Variants in GUCY2C observed in about 807,000 individuals in gnomAD.
The protein encoded by GUCY2C is guanylate cyclase 2C, also known as guanylyl cyclase C.
A neutral mutation model predicts 131.1 loss-of-function variants in GUCY2C; 118 were observed. The ratio of observed to expected loss-of-function variants is 0.90; its 90% CI spans 0.78 to 1.05. The LOEUF (loss-of-function observed/expected upper bound fraction) is 1.05, where lower values mean the gene tolerates loss of function less well. Among genes scored for constraint, GUCY2C ranks in the 50% least tolerant of loss-of-function variants. The probability of loss-of-function intolerance (pLI) is 0.00; values close to 1 mark genes in which losing one functional copy is unlikely to be tolerated. For synonymous variants in GUCY2C, 452 were observed against 457.8 expected (o/e 0.99, Z 0.16); for missense variants, 1,161 against 1,304.4 (o/e 0.89, Z 1.69).
Position 14,686,180 on chromosome 12 carries a change from A to G in GUCY2C, c.376T>C (p.Tyr126His), listed in dbSNP as rs755939295. 1.2e-6 allele frequency: 2 copies of G among 1,602,348 alleles called. No homozygotes were observed. Among genetic ancestry groups the G allele is most frequent in the African/African-American group, 1.3e-5 (1 of 74,668 alleles). ...GCVLIGPSCT[Y>H]STFQMYLDTE... ...ACTTACTACATCTGGAAGGTGGAGTATGTACATGAGGGCCCTATGAGGACA... is the reference window on the plus strand; with the variant it reads ...ACTTACTACATCTGGAAGGTGGAGTGTGTACATGAGGGCCCTATGAGGACA... Residue 126 changes from tyrosine to histidine, a missense_variant, in exon 3 of 27, where the codon TAC becomes CAC. Coordinates refer to ENST00000261170, the MANE Select transcript of GUCY2C (RefSeq NM_004963.4).
chr12:14,665,965 C>T (rs1000335367), intron 10 of GUCY2C: 1 of 151,974 alleles, frequency 6.6e-6, no homozygotes, highest in African/African-American at 2.4e-5. Flanking sequence ...GGTCAAGTAG[C>T]GGAAAGTTTA....
intron 21 of GUCY2C, among the ~76,000 whole-genome samples, chr12:14,625,177 T>C (rs558555572): frequency 6.6e-6 from 1 of 152,198 alleles, no homozygotes; most frequent in South Asian, 2.1e-4. Flanking sequence ...TTTCAGAGGT[T>C]TGAGATTTTG....
chr12:14,679,763 A>G lies in GUCY2C; in HGVS notation c.734-10T>C. On this transcript the variant is annotated splice_polypyrimidine_tract_variant and intron_variant, in intron 5 of 26. Coordinates refer to ENST00000261170, the MANE Select transcript of GUCY2C (RefSeq NM_004963.4). ...CCACACATAATAATCACTGGAGGAG[A>G]AGGTAAGACAAGGAGAGAAATATAT... is the stretch of plus-strand genomic sequence containing the variant. 1 of 1,354,362 alleles carries G rather than the reference A, an allele frequency of 7.4e-7. No homozygotes were observed. The highest frequency in any genetic ancestry group is 1.1e-6 in the Non-Finnish European group (1 of 943,288). The allele number at this position is 1,354,362 out of a possible 1,614,324, so 83.9% of individuals were successfully genotyped here.
At chr12:14,678,238 GGGA>G (rs1948280505) in intron 6 of GUCY2C, among the ~76,000 whole-genome samples, 1 of 152,166 alleles carries the variant, frequency 6.6e-6, no homozygotes. Context: ...TTTTACAAAT[GGGA>G]AGATTTAATC....
chr12:14,688,399 C>CAA (rs1333623017), intron 1 of GUCY2C, among the ~76,000 whole-genome samples: 2 of 152,136 alleles, frequency 1.3e-5, no homozygotes, highest in East Asian at 3.8e-4. Context: ...AGTTTTAGAA[C>CAA]ATTTTCATTG....
chr12:14,693,899 C>A (rs1241489085), intron 1 of GUCY2C, among the ~76,000 whole-genome samples: 1 of 152,230 alleles, frequency 6.6e-6, no homozygotes, highest in East Asian at 1.9e-4. Context: ...CTCTAACTAA[C>A]ATACTATTTA....
Position 14,653,008 on chromosome 12 carries a change from C to T in GUCY2C, c.1477G>A (p.Asp493Asn). Reference sequence around the variant, plus strand: ...TGGATTGTATCTCGTCTTTTGTCATCATCGATCTGGCACAAGAAAAGGCTA... The same window carrying T: ...TGGATTGTATCTCGTCTTTTGTCATTATCGATCTGGCACAAGAAAAGGCTA... ...ETNHVSLKID[D>N]DKRRDTIQRL... The change falls in exon 13 of 27, where the codon GAT (aspartate) becomes AAT (asparagine). Residue 493 changes from aspartate to asparagine, a missense_variant. Coordinates refer to ENST00000261170, the MANE Select transcript of GUCY2C (RefSeq NM_004963.4). 6.2e-7 allele frequency: 1 copy of T among 1,609,760 alleles called. No homozygotes were observed. The highest frequency in any genetic ancestry group is 8.5e-7 in the Non-Finnish European group (1 of 1,176,036).
At chr12:14,616,562 C>T (rs2136970603) in intron 25 of GUCY2C, 71 bp downstream of exon 25, 4 of 847,086 alleles carry the variant, frequency 4.7e-6, no homozygotes, top group Non-Finnish European at 8.3e-6. Context: ...CTTTCCTGGC[C>T]AAGTCTCAAA....
Position 14,642,634 on chromosome 12 carries a change from AACTGAT to A in GUCY2C, c.1930+934_1930+939del, listed in dbSNP as rs570424749. Among the ~76,000 whole-genome samples, 61 of 152,304 alleles carry A rather than the reference AACTGAT, an allele frequency of 4.0e-4. 1 individual carries two copies. The East Asian group carries it at 0.01, about 26-fold the overall frequency. On this transcript the variant is annotated intron_variant, in intron 17 of 26. Transcript: ENST00000261170. ...ATCTACTTATGCTAAAATTTTAGGT[AACTGAT>A]GCCATAGGTAGGTAGGTATAAGCGA... is the stretch of plus-strand genomic sequence containing the variant.
rs533028076 is a variant in GUCY2C at position 14,621,090 on chromosome 12, C to T, written c.2728G>A (p.Glu910Lys). ...ILSFMGTFEL[E>K]HLPGLPIWIR... ...CATATTGGGAGGCCAGGAAGATGCT[C>T]CAGCTCAAAGGTCCCCATGAAGCTG... The change falls in exon 23 of 27, where the codon GAG becomes AAG. Residue 910 changes from glutamate (E) to lysine (K), a missense_variant. By Grantham distance (56) the Glu-to-Lys change is moderately conservative (BLOSUM62 1). Transcript: ENST00000261170. 9.9e-6 allele frequency: 16 copies of T among 1,613,984 alleles called. No homozygotes were observed. The South Asian group carries it at 1.6e-4, about 17-fold the overall frequency.
chr12:14,649,303 A>G (rs2137034535), intron 15 of GUCY2C, among the ~76,000 whole-genome samples: 1 of 152,362 alleles, frequency 6.6e-6, no homozygotes, highest in South Asian at 2.1e-4. Flanking sequence ...TTACATTAGT[A>G]ACAATAGAAG....
intron 11 of GUCY2C, among the ~76,000 whole-genome samples, chr12:14,657,954 T>C (rs1280736059): frequency 6.6e-6 from 1 of 152,254 alleles, no homozygotes; most frequent in Non-Finnish European, 1.5e-5. Flanking sequence ...TTTTCTATAT[T>C]CTTGTCAACA....
chr12:14,665,166 A>C (rs1947951379), intron 10 of GUCY2C, among the ~76,000 whole-genome samples: 1 of 147,062 alleles, frequency 6.8e-6, no homozygotes, highest in African/African-American at 2.5e-5. Context: ...CAGTGAGCCG[A>C]GATTGGGCCA....
chr12:14,667,694 T>C (rs563793908), intron 10 of GUCY2C, among the ~76,000 whole-genome samples: 1 of 152,298 alleles, frequency 6.6e-6, no homozygotes, highest in African/African-American at 2.4e-5. Context: ...TTTAATACTT[T>C]TTGAAAATAA....
intron 20 of GUCY2C, among the ~76,000 whole-genome samples, chr12:14,626,299 T>C (rs771741055): frequency 2.0e-5 from 3 of 152,048 alleles, no homozygotes; most frequent in Non-Finnish European, 4.4e-5. Flanking sequence ...CCAGCCTGGG[T>C]GACAGAGTGA....
intron 10 of GUCY2C, 33 bp downstream of exon 10, chr12:14,669,689 T>G: frequency 9.5e-7 from 1 of 1,048,424 alleles, no homozygotes; most frequent in Non-Finnish European, 1.5e-6. Flanking sequence ...GAAAACAGTG[T>G]CAGGGAGAGA....
chr12:14,666,332 C>A (rs766997889), intron 10 of GUCY2C, among the ~76,000 whole-genome samples: 18 of 152,214 alleles, frequency 1.2e-4, no homozygotes, highest in Non-Finnish European at 2.2e-4. Context: ...AGTACAGCTG[C>A]GGGCATTCAT....
intron 25 of GUCY2C, 87 bp from the exon 26 acceptor site, chr12:14,615,030 G>T (rs554351598): frequency 9.4e-6 from 6 of 637,088 alleles, no homozygotes; most frequent in South Asian, 2.2e-5. Context: ...CTGTTTCTGT[G>T]ACATGTTTCA....
chr12:14,646,839 C>A (rs533558888), intron 15 of GUCY2C, among the ~76,000 whole-genome samples: 3 of 151,952 alleles, frequency 2.0e-5, no homozygotes, highest in Admixed American at 2.0e-4. Flanking sequence ...TTATAAGGGA[C>A]CTGTTATAGG....
Sources: allele counts gnomAD v4.1 joint callset (sites outside exome capture counted in the v4.1 genomes callset), GRCh38; gene constraint gnomAD v4.1.1; transcripts MANE v1.5; gene names NCBI Gene and HGNC (gene_info 2026-07-23, HGNC 2026-07-21).